The following PCDHGA1 variants were observed in gnomAD, a reference collection of about 807,000 sequenced individuals.
The protein encoded by PCDHGA1 is protocadherin gamma subfamily A, 1, also known as protocadherin gamma-A1.
PCDHGA1 carries 32 observed loss-of-function variants against 58.0 expected under a neutral mutation model. The observed-to-expected ratio is 0.55, with a 90% CI of 0.42 to 0.74. PCDHGA1 has a LOEUF of 0.74. Ranked by LOEUF, PCDHGA1 falls within the 30% of genes least tolerant of loss-of-function variation. The probability of loss-of-function intolerance (pLI) is 0.00; values close to 1 mark genes in which losing one functional copy is unlikely to be tolerated. For missense variants in PCDHGA1, 1,205 were observed against 1,182.3 expected (o/e 1.02, Z -0.28); for synonymous variants, 498 against 501.1 (o/e 0.99, Z 0.08).
chr5:141,473,680 C>T (rs888876529), intron 1 of PCDHGA1, among the ~76,000 whole-genome samples: 3 of 152,100 alleles, frequency 2.0e-5, no homozygotes, highest in Non-Finnish European at 2.9e-5. Flanking sequence ...CAGGGAAGGG[C>T]TGGGGTTCTG....
chr5:141,333,954 A>T (rs535696065), intron 1 of PCDHGA1: 2 of 152,354 alleles, frequency 1.3e-5, no homozygotes, highest in Admixed American at 6.5e-5. Context: ...TGACTTATAC[A>T]TTATACCTGT....
In PCDHGA1 at chr5:141,487,494, C is replaced by T. The variant is rs116370895; in HGVS notation, c.2422-7313C>T. 12 of 1,614,120 alleles carry T rather than the reference C, an allele frequency of 7.4e-6. No individual in the cohort carries two copies. The East Asian group carries it at 1.1e-4, about 15-fold the overall frequency. On this transcript the variant is annotated intron_variant, in intron 1 of 3. Transcript: ENST00000517417. The surrounding 1 kb of genome is among the most constrained non-coding windows in gnomAD (Gnocchi z 5.0). Reference sequence around the variant, plus strand: ...GGAGGCCACTCTCATGGCTGTACACCCTTGGCTTCTGCACCCACTCGGAGT... The same window carrying T: ...GGAGGCCACTCTCATGGCTGTACACTCTTGGCTTCTGCACCCACTCGGAGT...
intron 2 of PCDHGA1, among the ~76,000 whole-genome samples, chr5:141,502,866 C>CTCTTTTTT (rs1554188502): frequency 2.3e-5 from 3 of 128,046 alleles, no homozygotes; most frequent in Non-Finnish European, 3.2e-5. Flanking sequence ...GACTCTCTGT[C>CTCTTTTTT]TTTTTTTTTT....
At position 141,476,387 on chromosome 5, in the gene PCDHGA1, C is replaced by A. The variant is rs147660262; in HGVS notation, c.2422-18420C>A. ...GACCGGAGAGATGTTTGTGAACGAC[C>A]GTCTGGATCGAGAGGAGCTGTGTGG... is the stretch of plus-strand genomic sequence containing the variant. On this transcript the variant is annotated intron_variant, in intron 1 of 3. Transcript: ENST00000517417. The surrounding 1 kb of genome is among the most constrained non-coding windows in gnomAD (Gnocchi z 7.6). 1.2e-6 allele frequency: 2 copies of A among 1,614,076 alleles called. No individual in the cohort carries two copies. Among genetic ancestry groups the A allele is most frequent in the Non-Finnish European group, 8.5e-7 (1 of 1,180,024 alleles).
chr5:141,490,092 C>T lies in PCDHGA1; in HGVS notation c.2422-4715C>T. On this transcript the variant is annotated intron_variant, in intron 1 of 3. Coordinates refer to ENST00000517417, the MANE Select transcript of PCDHGA1 (RefSeq NM_018912.3). This position sits in a 1 kb window ranked among gnomAD's most constrained non-coding sequence, Gnocchi z 5.4. ...AACTAGACTATTCTTTTGGAGACCA[C>T]ACATCTGAGGCAGTGCGGAACCTCT... 6.2e-7 allele frequency: 1 copy of T among 1,614,240 alleles called. No individual in the cohort carries two copies.
intron 1 of PCDHGA1, chr5:141,423,117 G>A (rs1429958385): frequency 6.2e-7 from 1 of 1,613,698 alleles, no homozygotes; most frequent in Non-Finnish European, 8.5e-7. Flanking sequence ...TGCGTACAGC[G>A]CGGGCACTGC....
At chr5:141,474,671 A>G (rs2099352865) in intron 1 of PCDHGA1, among the ~76,000 whole-genome samples, 1 of 152,204 alleles carries the variant, frequency 6.6e-6, no homozygotes, top group South Asian at 2.1e-4. Context: ...TACCTAACCT[A>G]TGTGCCTACC....
chr5:141,360,379 G>A (rs1761567357), intron 1 of PCDHGA1: 11 of 1,613,760 alleles, frequency 6.8e-6, no homozygotes, highest in Non-Finnish European at 9.3e-6. Flanking sequence ...CCCAGAAAGC[G>A]GAGACTTACT....
chr5:141,374,907 G>T (rs778308894), intron 1 of PCDHGA1: 1 of 1,613,828 alleles, frequency 6.2e-7, no homozygotes, highest in Non-Finnish European at 8.5e-7. Flanking sequence ...GGAGTCCACG[G>T]GGAAGTAACT....
intron 1 of PCDHGA1, chr5:141,405,493 C>T: frequency 1.2e-6 from 1 of 841,642 alleles, no homozygotes; most frequent in Middle Eastern, 3.1e-4. Flanking sequence ...GATCTCGGCT[C>T]ATTGCAACCT....
rs781345070 is a variant in PCDHGA1 at position 141,371,941 on chromosome 5, C to T, written c.2421+38836C>T. 8 of 1,613,174 alleles carry T rather than the reference C, an allele frequency of 5.0e-6. No individual in the cohort carries two copies. The South Asian group carries it at 7.7e-5, about 15-fold the overall frequency. On this transcript the variant is annotated intron_variant, in intron 1 of 3. Transcript: ENST00000517417. ...AGCGCGCGGAGCGGGGTGGTGTTCG[C>T]GCAGCGAGCCTTCGACCACGAGCAG...
chr5:141,383,002 G>T lies in PCDHGA1; in HGVS notation c.2421+49897G>T, dbSNP rs376825891. On this transcript the variant is annotated intron_variant, in intron 1 of 3. Coordinates refer to ENST00000517417, the MANE Select transcript of PCDHGA1 (RefSeq NM_018912.3). ...CTGGGCAGGACGTATTCTCTACTCC[G>T]TGTCGGAGGAGACGGACAAAGGGTC... The T allele has an allele frequency of 1.2e-6, 2 of 1,613,650 alleles. No individual in the cohort carries two copies. Among genetic ancestry groups the T allele is most frequent in the African/African-American group, 1.3e-5 (1 of 74,948 alleles).
chr5:141,498,104 C>T (rs530844708), intron 2 of PCDHGA1, among the ~76,000 whole-genome samples: 2 of 152,106 alleles, frequency 1.3e-5, no homozygotes, highest in African/African-American at 4.8e-5. Context: ...GTGGTGTGGG[C>T]GTATAATAGG....
intron 1 of PCDHGA1, chr5:141,409,913 G>C (rs769370742): frequency 1.9e-6 from 3 of 1,613,334 alleles, no homozygotes; most frequent in East Asian, 2.2e-5. Flanking sequence ...GGGTCCTGAC[G>C]GCTCCGCGTT....
intron 1 of PCDHGA1, chr5:141,419,616 A>G (rs1291494618): frequency 6.2e-7 from 1 of 1,612,086 alleles, no homozygotes; most frequent in African/African-American, 1.3e-5. Flanking sequence ...CAGCCAGGCT[A>G]CCTGGTGACC....
In PCDHGA1 at chr5:141,491,491, G is replaced by C. The variant is rs2099717103; in HGVS notation, c.2422-3316G>C. The C allele has an allele frequency of 1.2e-6, 2 of 1,614,042 alleles. No homozygotes were observed. The highest frequency in any genetic ancestry group is 1.7e-5 in the Admixed American group (1 of 60,016). The stretch of plus-strand genomic sequence containing the variant: ...TAAGCAGTCCAGCCCCAACCTGCAG[G>C]TGAGCTCGGACGGCACGCTCAAGTA... On this transcript the variant is annotated intron_variant, in intron 1 of 3. Transcript: ENST00000517417. The surrounding 1 kb of genome is among the most constrained non-coding windows in gnomAD (Gnocchi z 6.9).
chr5:141,453,021 A>G (rs1008711775), intron 1 of PCDHGA1, among the ~76,000 whole-genome samples: 1 of 152,200 alleles, frequency 6.6e-6, no homozygotes, highest in Non-Finnish European at 1.5e-5. Context: ...TATGTGATTC[A>G]TTAAAATAAA....
chr5:141,350,844 A>G, intron 1 of PCDHGA1: 1 of 1,613,980 alleles, frequency 6.2e-7, no homozygotes, highest in South Asian at 1.1e-5. Flanking sequence ...CTGCTGGAAA[A>G]ACCTCTAGAC....
rs771884610 is a variant in PCDHGA1, at chr5:141,491,436, G to T, written c.2422-3371G>T. 1 of 1,614,070 alleles carries T rather than the reference G, an allele frequency of 6.2e-7. No individual in the cohort carries two copies. ...ACGGGGGTGGAGGGCAGTGCTGCAGGCGCCAGGACTCACCCTCCCCGGACT... is the reference window on the plus strand; with the variant it reads ...ACGGGGGTGGAGGGCAGTGCTGCAGTCGCCAGGACTCACCCTCCCCGGACT... On this transcript the variant is annotated intron_variant, in intron 1 of 3. Coordinates refer to ENST00000517417, the MANE Select transcript of PCDHGA1 (RefSeq NM_018912.3). The surrounding 1 kb of genome is among the most constrained non-coding windows in gnomAD (Gnocchi z 6.9).
Sources: allele counts gnomAD v4.1 joint callset (sites outside exome capture counted in the v4.1 genomes callset), GRCh38; gene constraint gnomAD v4.1.1; non-coding constraint Gnocchi (gnomAD v3.1); transcripts MANE v1.5; gene names NCBI Gene and HGNC (gene_info 2026-07-23, HGNC 2026-07-21).